Variants in SMC4 observed in about 807,000 individuals in gnomAD.
The protein encoded by SMC4 is structural maintenance of chromosomes protein 4.
A neutral mutation model predicts 145.6 loss-of-function variants in SMC4; 87 were observed. The observed-to-expected ratio is 0.60, with a 90% CI of 0.50 to 0.71. The LOEUF is 0.71. Ranked by LOEUF, SMC4 falls within the 30% of genes least tolerant of loss-of-function variation. SMC4 has a pLI of 0.00. For synonymous variants in SMC4, 558 were observed against 500.7 expected, an observed-to-expected ratio of 1.11 and a Z score of -1.53; for missense variants, 1,447 against 1,537.1, an observed-to-expected ratio of 0.94 and a Z score of 0.98.
intron 13 of SMC4, among the ~76,000 whole-genome samples, chr3:160,422,357 T>A (rs1361293480): frequency 6.6e-6 from 1 of 152,228 alleles, no homozygotes; most frequent in Non-Finnish European, 1.5e-5. Context: ...TCGTTAACAC[T>A]TGTTATGGTA....
intron 1 of SMC4, 134 bp from the exon 2 acceptor site, chr3:160,400,688 C>CAA (rs1211475066): frequency 1.2e-5 from 14 of 1,173,870 alleles, no homozygotes; most frequent in Middle Eastern, 2.6e-4. Context: ...GCTCCCTTCC[C>CAA]GAAGTCCCGC....
chr3:160,411,787 A>G (rs548988790), intron 5 of SMC4, 133 bp from the exon 6 acceptor site: 24 of 615,406 alleles, frequency 3.9e-5, no homozygotes, highest in Admixed American at 9.4e-5. Flanking sequence ...TTATTAAATC[A>G]TTGCACTACT....
chr3:160,400,968 G>A lies in SMC4; in HGVS notation c.139+3G>A. ...GGAGAGCCCAGCCACCGCCGCAGGT[G>A]AGTGACCCGCCGCGACTCGGCGGGA... On this transcript the variant is annotated splice_donor_region_variant and intron_variant, in intron 2 of 23. Coordinates refer to ENST00000357388, the MANE Select transcript of SMC4 (RefSeq NM_001002800.3). The A allele has an allele frequency of 7.2e-7, 1 of 1,396,318 alleles. No individual in the cohort carries two copies. The highest frequency in any genetic ancestry group is 9.2e-7 in the Non-Finnish European group (1 of 1,087,674). The allele number at this position is 1,396,318 out of a possible 1,614,324, so 86.5% of individuals were successfully genotyped here.
Position 160,420,866 on chromosome 3 carries a change from A to C in SMC4, c.1984A>C (p.Asn662His). 6.2e-7 allele frequency: 1 copy of C among 1,613,414 alleles called. No individual in the cohort carries two copies. Among genetic ancestry groups the C allele is most frequent in the Middle Eastern group, 1.7e-4 (1 of 6,060 alleles). Residue 662 changes from asparagine to histidine, a missense_variant, in exon 13 of 24, where the codon AAT becomes CAT. Coordinates refer to ENST00000357388, the MANE Select transcript of SMC4 (RefSeq NM_001002800.3). ...QECVNFLKRQ[N>H]IGVATFIGLD... Reference sequence around the variant, plus strand: ...ATGTGTAAACTTCCTTAAAAGACAAAATATTGGAGTTGCAACCTTTATAGG... The same window carrying C: ...ATGTGTAAACTTCCTTAAAAGACAACATATTGGAGTTGCAACCTTTATAGG...
At chr3:160,420,614 TTTG>T (rs1717060427) in intron 12 of SMC4, 123 bp from the exon 13 acceptor site, 4 of 907,966 alleles carry the variant, frequency 4.4e-6, no homozygotes, top group East Asian at 5.3e-5. Context: ...TGTGTACCCT[TTTG>T]TTCTCTTTAA....
chr3:160,430,703 A>G lies in SMC4; in HGVS notation c.2900A>G (p.Asp967Gly), dbSNP rs377290148. Residue 967 changes from aspartate to glycine, a missense_variant, in exon 19 of 24, where the codon GAC (aspartate) becomes GGC (glycine). Coordinates refer to ENST00000357388, the MANE Select transcript of SMC4 (RefSeq NM_001002800.3). ...ACAGCAGAGCTGAAAAGTCTTGAGGACAAAGCAGCAGAGGTCGTAAAGAAT... is the reference window on the plus strand; with the variant it reads ...ACAGCAGAGCTGAAAAGTCTTGAGGGCAAAGCAGCAGAGGTCGTAAAGAAT... Reference protein sequence around the residue: ...DLTAELKSLEDKAAEVVKNTN... With the variant: ...DLTAELKSLEGKAAEVVKNTN... The G allele has an allele frequency of 6.2e-7, 1 of 1,613,592 alleles. No individual in the cohort carries two copies. Among genetic ancestry groups the G allele is most frequent in the Non-Finnish European group, 8.5e-7 (1 of 1,179,850 alleles).
intron 7 of SMC4, chr3:160,412,925 C>G (rs1181225761): frequency 2.0e-6 from 1 of 490,394 alleles, no homozygotes; most frequent in Non-Finnish European, 2.7e-6. Flanking sequence ...AATAGCAGAT[C>G]TGATTTTTTT....
At chr3:160,401,755 CAT>C (rs1323981153) in intron 2 of SMC4, among the ~76,000 whole-genome samples, 158 bp from the exon 3 acceptor site, 4 of 152,254 alleles carry the variant, frequency 2.6e-5, no homozygotes, top group Admixed American at 6.5e-5. Flanking sequence ...AAGATAATAA[CAT>C]ATTTAAGTGG....
rs185909346 is a variant in SMC4 at position 160,433,456 on chromosome 3, A to T, written c.3715-201A>T. 7.8e-4 allele frequency: 422 copies of T among 542,792 alleles called. 1 individual carries two copies. Among genetic ancestry groups the T allele is most frequent in the African/African-American group, 7.5e-3 (386 of 51,674 alleles). The allele number at this position is 542,792 out of a possible 1,614,324, so 33.6% of individuals were successfully genotyped here. On this transcript the variant is annotated intron_variant, in intron 23 of 23. Coordinates refer to ENST00000357388, the MANE Select transcript of SMC4 (RefSeq NM_001002800.3). ...AGAATCACAGCTAGAATCCTAGGTC[A>T]TCTTCCTAGATCTTTTCCACTAGAA... is the stretch of plus-strand genomic sequence containing the variant.
intron 6 of SMC4, 105 bp from the exon 7 acceptor site, chr3:160,412,221 T>C: frequency 2.1e-6 from 3 of 1,417,120 alleles, no homozygotes; most frequent in Non-Finnish European, 2.9e-6. Context: ...ACATTTAAGA[T>C]GAACATTCTC....
At position 160,411,922 on chromosome 3, in the gene SMC4, T is replaced by C. The variant is rs746849137; in HGVS notation, c.690T>C (p.Gly230=). ...TGAAATATAACTTTTTTTTAAAGGG[T>C]GAAGTTGAACAAATTGCTATGATGA... ...LDHNRFLILQ[G]EVEQIAMMKP... The change falls in exon 6 of 24, where the codon GGT becomes GGC. Residue 230 remains glycine, a splice_region_variant and synonymous_variant. Transcript: ENST00000357388. 1 of 1,611,372 alleles carries C rather than the reference T, an allele frequency of 6.2e-7. No individual in the cohort carries two copies. The highest frequency in any genetic ancestry group is 1.7e-4 in the Middle Eastern group (1 of 6,032).
intron 17 of SMC4, 149 bp from the exon 18 acceptor site, chr3:160,428,603 CG>C: frequency 1.6e-6 from 1 of 613,868 alleles, no homozygotes; most frequent in East Asian, 3.2e-5. Flanking sequence ...TACAGGATAT[CG>C]TTTTTTTTTT....
In SMC4 at chr3:160,433,951, A is replaced by G. The variant is rs1473847944; in HGVS notation, c.*142A>G. The G allele has an allele frequency of 5.4e-6, 3 of 552,742 alleles. No homozygotes were observed. Among genetic ancestry groups the G allele is most frequent in the Non-Finnish European group, 9.3e-6 (3 of 321,806 alleles). The allele number at this position is 552,742 out of a possible 1,614,324, so 34.2% of individuals were successfully genotyped here. On this transcript the variant is annotated 3_prime_UTR_variant, in exon 24 of 24. Transcript: ENST00000357388. Reference sequence around the variant, plus strand: ...TCTGTTTTATGCAGTTGTCATTTGTAAAGTCTAATAAAATATTCTCTATAA... The same window carrying G: ...TCTGTTTTATGCAGTTGTCATTTGTGAAGTCTAATAAAATATTCTCTATAA...
chr3:160,412,475 A>G (rs1456077040), intron 7 of SMC4, 22 bp downstream of exon 7: 1 of 1,578,748 alleles, frequency 6.3e-7, no homozygotes, highest in African/African-American at 1.4e-5. Flanking sequence ...GATTGATATT[A>G]CCAATTTTTA....
At chr3:160,405,585 A>G (rs55992947) in intron 5 of SMC4, among the ~76,000 whole-genome samples, 59,620 of 151,858 alleles carry the variant, frequency 0.39, 12,728 homozygotes, top group Non-Finnish European at 0.49. Context: ...TTAGACATTC[A>G]TAGTATACAA....
intron 13 of SMC4, among the ~76,000 whole-genome samples, chr3:160,422,452 T>C (rs750744783): frequency 1.3e-5 from 2 of 152,226 alleles, no homozygotes; most frequent in Non-Finnish European, 2.9e-5. Flanking sequence ...TTTATGATAG[T>C]AAAAGTCCTT....
In SMC4 at chr3:160,432,681, G is replaced by A. The variant is rs999599669; in HGVS notation, c.3530+166G>A. ...GCTATTTATGCTTGCAGTTTACAGG[G>A]GCAGACAGCCAGTATTTACAAAATA... On this transcript the variant is annotated intron_variant, in intron 22 of 23. Coordinates refer to ENST00000357388, the MANE Select transcript of SMC4 (RefSeq NM_001002800.3). The A allele has an allele frequency of 3.7e-5, 20 of 547,502 alleles. No individual in the cohort carries two copies. In the African/African-American group the frequency reaches 3.8e-4, roughly 10 times the overall value. 33.9% of individuals were successfully genotyped at this position (547,502 alleles called of 1,614,324 possible).
At chr3:160,428,140 C>G (rs1718000797) in intron 17 of SMC4, among the ~76,000 whole-genome samples, 1 of 152,198 alleles carries the variant, frequency 6.6e-6, no homozygotes. Flanking sequence ...ATCCAGACTT[C>G]TGTGTGACTG....
intron 23 of SMC4, 111 bp downstream of exon 23, chr3:160,433,320 ACTCCAT>A (rs961964268): frequency 2.2e-5 from 16 of 730,502 alleles, no homozygotes; most frequent in African/African-American, 8.9e-5. Context: ...TTGTCTAATA[ACTCCAT>A]CTCCATCTCC....
Sources: gnomAD v4.1 joint callset for allele counts (sites outside exome capture counted in the v4.1 genomes callset) on GRCh38, gnomAD v4.1.1 for gene constraint, MANE v1.5 for transcripts, NCBI Gene and HGNC (gene_info 2026-07-23, HGNC 2026-07-21) for gene names.